KANK1: variants seen among roughly 807,000 people sequenced by gnomAD.
KANK1 encodes the protein KN motif and ankyrin repeat domains 1.
A neutral mutation model predicts 106.2 loss-of-function variants in KANK1; 109 were observed. The observed-to-expected ratio is 1.03, with a 90% confidence interval of 0.88 to 1.20. The LOEUF is 1.20. Ranked by LOEUF, KANK1 falls within the 50% of genes most tolerant of loss-of-function variation. KANK1 has a pLI of 0.00. For missense variants in KANK1, 2,399 were observed against 1,710.7 expected, an observed-to-expected ratio of 1.40 and a Z score of -7.10; for synonymous variants, 873 against 652.2, an observed-to-expected ratio of 1.34 and a Z score of -5.16.
chr9:655,750 G>C (rs976687935), intron 1 of KANK1, among the ~76,000 whole-genome samples: 1 of 152,148 alleles, frequency 6.6e-6, no homozygotes, highest in Non-Finnish European at 1.5e-5. Context: ...TGAGATTTCA[G>C]ATACCTTAGA....
intron 1 of KANK1, among the ~76,000 whole-genome samples, chr9:505,518 G>A (rs544683833): frequency 6.6e-6 from 1 of 152,346 alleles, no homozygotes; most frequent in South Asian, 2.1e-4. Flanking sequence ...AACACGCAGT[G>A]GCGCTCGCGG....
intron 1 of KANK1, among the ~76,000 whole-genome samples, chr9:579,939 G>C (rs1251317770): frequency 6.6e-6 from 1 of 152,130 alleles, no homozygotes; most frequent in East Asian, 1.9e-4. Context: ...CTTCATGACT[G>C]TCAGCATCTG....
chr9:545,588 C>T (rs1337914867), intron 1 of KANK1, among the ~76,000 whole-genome samples: 3 of 151,994 alleles, frequency 2.0e-5, no homozygotes, highest in African/African-American at 7.3e-5. Context: ...TTCAAGGAGG[C>T]AGTGGTTACC....
At chr9:669,425 G>C (rs796749390) in intron 1 of KANK1, among the ~76,000 whole-genome samples, 12 of 152,100 alleles carry the variant, frequency 7.9e-5, no homozygotes, top group African/African-American at 2.9e-4. Context: ...CTTAGCTTTT[G>C]TTTGTCAGAA....
At chr9:613,329 C>T (rs543123902) in intron 1 of KANK1, among the ~76,000 whole-genome samples, 5 of 150,910 alleles carry the variant, frequency 3.3e-5, no homozygotes, top group East Asian at 3.9e-4. Flanking sequence ...CTGTAACAAT[C>T]GTTGCTGGAG....
At chr9:693,079 A>G (rs962579411) in intron 2 of KANK1, among the ~76,000 whole-genome samples, 5 of 152,196 alleles carry the variant, frequency 3.3e-5, no homozygotes, top group African/African-American at 1.2e-4. Context: ...ACTTTTTGAA[A>G]CAAAAACAAA....
At chr9:593,782 T>C (rs1420116927) in intron 1 of KANK1, among the ~76,000 whole-genome samples, 1 of 151,768 alleles carries the variant, frequency 6.6e-6, no homozygotes, top group Non-Finnish European at 1.5e-5. Flanking sequence ...TCTTCCAAAT[T>C]TATGAAAATG....
At chr9:724,629 C>T (rs1589213118) in intron 3 of KANK1, among the ~76,000 whole-genome samples, 1 of 152,006 alleles carries the variant, frequency 6.6e-6, no homozygotes, top group African/African-American at 2.4e-5. Context: ...TAGTAAAATC[C>T]CGTCTCTACT....
intron 2 of KANK1, among the ~76,000 whole-genome samples, chr9:687,714 TC>T (rs1284166029): frequency 6.6e-6 from 1 of 152,178 alleles, no homozygotes; most frequent in Non-Finnish European, 1.5e-5. Context: ...CTCTTACCTC[TC>T]CCAACAGGCA....
At chr9:685,898 C>T (rs1179472003) in intron 2 of KANK1, among the ~76,000 whole-genome samples, 1 of 152,162 alleles carries the variant, frequency 6.6e-6, no homozygotes, top group Non-Finnish European at 1.5e-5. Context: ...GCTTGTCCTG[C>T]CCAATTTTCC....
intron 1 of KANK1, among the ~76,000 whole-genome samples, chr9:670,171 A>G (rs1382290545): frequency 6.6e-6 from 1 of 152,076 alleles, no homozygotes; most frequent in African/African-American, 2.4e-5. Context: ...TGAAACTGCT[A>G]TTTTGAATTC....
chr9:720,452 C>A (rs567798744), intron 3 of KANK1, among the ~76,000 whole-genome samples: 1 of 152,222 alleles, frequency 6.6e-6, no homozygotes, highest in Non-Finnish European at 1.5e-5. Context: ...TCAAGCTGTC[C>A]TCACACGTGA....
chr9:484,962 A>T (rs1457919365), intron 3 of KANK1, among the ~76,000 whole-genome samples: 1 of 151,822 alleles, frequency 6.6e-6, no homozygotes, highest in Non-Finnish European at 1.5e-5. Flanking sequence ...GCCTCATAAG[A>T]CATAAATGTG....
At chr9:686,166 C>A (rs1429461466) in intron 2 of KANK1, among the ~76,000 whole-genome samples, 5 of 152,204 alleles carry the variant, frequency 3.3e-5, no homozygotes, top group Non-Finnish European at 7.3e-5. Flanking sequence ...GAAAAAAGTT[C>A]TCTCTTCCTC....
intron 1 of KANK1, among the ~76,000 whole-genome samples, chr9:514,017 G>A (rs754491312): frequency 2.2e-4 from 20 of 89,832 alleles, no homozygotes; most frequent in Non-Finnish European, 3.7e-4. Flanking sequence ...ACTCCGTCTC[G>A]AACAAAAGTT....
intron 3 of KANK1, among the ~76,000 whole-genome samples, chr9:719,415 T>A (rs1187039357): frequency 2.0e-5 from 3 of 152,210 alleles, no homozygotes; most frequent in African/African-American, 4.8e-5. Context: ...AGTTTAGATG[T>A]TCTTTAAAAA....
At chr9:639,570 G>A (rs1013704763) in intron 1 of KANK1, among the ~76,000 whole-genome samples, 4 of 151,960 alleles carry the variant, frequency 2.6e-5, no homozygotes, top group Non-Finnish European at 4.4e-5. Flanking sequence ...GCCCACCTCG[G>A]CCTCCCAAAG....
At chr9:726,615 G>C (rs1019864495) in intron 3 of KANK1, among the ~76,000 whole-genome samples, 3 of 151,964 alleles carry the variant, frequency 2.0e-5, no homozygotes, top group Non-Finnish European at 4.4e-5. Flanking sequence ...CTGTAGCCTA[G>C]CAACAGAGTA....
chr9:723,444 C>T (rs28384217), intron 3 of KANK1, among the ~76,000 whole-genome samples: 21,905 of 152,012 alleles, frequency 0.14, 2,003 homozygotes, highest in Non-Finnish European at 0.2. Flanking sequence ...AAATTCCATC[C>T]GACTTACACT....
Sources: allele counts gnomAD v4.1 joint callset (sites outside exome capture counted in the v4.1 genomes callset), GRCh38; gene constraint gnomAD v4.1.1; transcripts MANE v1.5; gene names NCBI Gene and HGNC (gene_info 2026-07-23, HGNC 2026-07-21).